Variants in CADPS observed in about 807,000 individuals in gnomAD.
CADPS encodes the protein calcium dependent secretion activator.
CADPS carries 57 observed loss-of-function variants against 167.3 expected under a neutral mutation model. The observed-to-expected ratio is 0.34, with a 90% confidence interval of 0.28 to 0.42. CADPS has a LOEUF of 0.42. Ranked by LOEUF, CADPS falls within the 20% of genes least tolerant of loss-of-function variation. The pLI, the probability that CADPS is intolerant of heterozygous loss-of-function variation, is 1.00. For synonymous variants in CADPS, 676 were observed against 635.3 expected, an observed-to-expected ratio of 1.06 and a Z score of -0.96; for missense variants, 1,414 against 1,738.1, an observed-to-expected ratio of 0.81 and a Z score of 3.32.
At chr3:62,434,045 TC>T (rs2054497945) in intron 28 of CADPS, among the ~76,000 whole-genome samples, 1 of 152,224 alleles carries the variant, frequency 6.6e-6, no homozygotes, top group East Asian at 1.9e-4. Context: ...TCTTTGAATG[TC>T]AGCAATAATT....
At chr3:62,406,947 T>C (rs923479754) in intron 28 of CADPS, among the ~76,000 whole-genome samples, 1 of 152,210 alleles carries the variant, frequency 6.6e-6, no homozygotes, top group African/African-American at 2.4e-5. Context: ...CCTGGGTTTG[T>C]GATCTTGGGC....
chr3:62,688,868 C>T (rs1404315025), intron 3 of CADPS, among the ~76,000 whole-genome samples: 1 of 151,918 alleles, frequency 6.6e-6, no homozygotes, highest in Non-Finnish European at 1.5e-5. Context: ...AAGACTGTAA[C>T]CCACTTTCCA....
chr3:62,478,522 A>G lies in CADPS; in HGVS notation c.3174-106T>C, dbSNP rs2061590810. 3.8e-6 allele frequency: 4 copies of G among 1,046,606 alleles called. No homozygotes were observed. Among genetic ancestry groups the G allele is most frequent in the Non-Finnish European group, 4.2e-6 (3 of 718,836 alleles). 64.8% of individuals were successfully genotyped at this position (1,046,606 alleles called of 1,614,324 possible). On this transcript the variant is annotated intron_variant, in intron 22 of 29. Coordinates refer to ENST00000383710, the MANE Select transcript of CADPS (RefSeq NM_003716.4). The surrounding 1 kb of genome is among the most constrained non-coding windows in gnomAD (Gnocchi z 5.7). ...CTAGAAGGCAAACAGCAGCTTCAAC[A>G]TACAAAACAACGTGTGTTGGCGGTG...
At chr3:62,414,951 T>C (rs1446257709) in intron 28 of CADPS, among the ~76,000 whole-genome samples, 1 of 151,564 alleles carries the variant, frequency 6.6e-6, no homozygotes, top group East Asian at 1.9e-4. Flanking sequence ...GCAATAGATA[T>C]CCCAGCTCCA....
chr3:62,584,253 C>T (rs764696449), intron 8 of CADPS, among the ~76,000 whole-genome samples: 4 of 152,178 alleles, frequency 2.6e-5, no homozygotes, highest in South Asian at 4.1e-4. Flanking sequence ...GTGATCCTCC[C>T]GTCTCGGCCT....
At chr3:62,693,952 C>A (rs1343972772) in intron 3 of CADPS, among the ~76,000 whole-genome samples, 1 of 152,080 alleles carries the variant, frequency 6.6e-6, no homozygotes, top group Non-Finnish European at 1.5e-5. Flanking sequence ...CACCAAAGGA[C>A]AACCACAGTC....
At chr3:62,732,737 T>C (rs1220206157) in intron 3 of CADPS, among the ~76,000 whole-genome samples, 1 of 152,220 alleles carries the variant, frequency 6.6e-6, no homozygotes, top group African/African-American at 2.4e-5. Flanking sequence ...ATGCTGCACC[T>C]GGTACTAAAT....
At position 62,418,980 on chromosome 3, in the gene CADPS, C is replaced by G. The variant is rs984760715; in HGVS notation, c.3778-15795G>C. The stretch of plus-strand genomic sequence containing the variant: ...CCAGACACCAGCTGCTCTAATACCC[C>G]TGGCTCAACAGCAGGACATATCACA... On this transcript the variant is annotated intron_variant, in intron 28 of 29. Transcript: ENST00000383710. Among the ~76,000 whole-genome samples the G allele has an allele frequency of 2.6e-5, 4 of 152,206 alleles. No individual in the cohort carries two copies. In the South Asian group the frequency reaches 8.3e-4, roughly 32 times the overall value.
Position 62,532,932 on chromosome 3 carries a change from T to C in CADPS, c.2230A>G (p.Ile744Val), listed in dbSNP as rs1188761103. Residue 744 changes from isoleucine to valine, a missense_variant, in exon 13 of 30, where the codon ATC (isoleucine) becomes GTC (valine). Physicochemically the swap from Ile to Val is conservative, Grantham distance 29. This residue lies in a region of CADPS where 529 missense variants were observed against 629.6 expected (regional missense o/e 0.84). Transcript: ENST00000383710. ...LLERAENGAMIDPTLLHYSFA... is the reference protein window; with the variant it reads ...LLERAENGAMVDPTLLHYSFA... ...CTGTAGTGAAGAAGGGTGGGGTCGA[T>C]CATGGCGCCATTTTCTGCCCGTTCA... The C allele has an allele frequency of 2.5e-6, 4 of 1,613,626 alleles. No homozygotes were observed. In the African/African-American group the frequency reaches 5.3e-5, roughly 22 times the overall value.
intron 3 of CADPS, among the ~76,000 whole-genome samples, chr3:62,702,973 C>G (rs1260963212): frequency 6.6e-6 from 1 of 152,046 alleles, no homozygotes; most frequent in Non-Finnish European, 1.5e-5. Flanking sequence ...AAGTCTCTTG[C>G]CCAGGATGAC....
intron 6 of CADPS, among the ~76,000 whole-genome samples, chr3:62,636,900 G>T (rs1394975414): frequency 6.6e-6 from 1 of 152,050 alleles, no homozygotes; most frequent in Non-Finnish European, 1.5e-5. Context: ...AAAGCATTTT[G>T]GCAATGGTAC....
At chr3:62,481,308 A>G (rs184070988) in intron 22 of CADPS, among the ~76,000 whole-genome samples, 1 of 152,314 alleles carries the variant, frequency 6.6e-6, no homozygotes, top group East Asian at 1.9e-4. Context: ...TTTTATTTAA[A>G]GAAAACACCC....
chr3:62,582,088 T>G lies in CADPS; in HGVS notation c.1577+3097A>C, dbSNP rs183049472. Among the ~76,000 whole-genome samples the G allele has an allele frequency of 3.2e-3, 490 of 152,348 alleles. 2 individuals are homozygous for G. Among genetic ancestry groups the G allele is most frequent in the African/African-American group, 0.011 (463 of 41,580 alleles). Reference sequence around the variant, plus strand: ...TCATAATTCCCAGTGATTCTTATGTTCCTTTTATGTTAGAAAAAACCTTAA... The same window carrying G: ...TCATAATTCCCAGTGATTCTTATGTGCCTTTTATGTTAGAAAAAACCTTAA... On this transcript the variant is annotated intron_variant, in intron 8 of 29. Transcript: ENST00000383710.
At chr3:62,515,813 T>C (rs1300044971) in intron 16 of CADPS, among the ~76,000 whole-genome samples, 1 of 152,150 alleles carries the variant, frequency 6.6e-6, no homozygotes, top group East Asian at 1.9e-4. Flanking sequence ...AGTTATCTGA[T>C]AACATCCTGT....
chr3:62,445,719 AAAAAAAAC>A lies in CADPS; in HGVS notation c.3669+38_3669+45del, dbSNP rs779741394. On this transcript the variant is annotated intron_variant, in intron 27 of 29. Transcript: ENST00000383710. ...AAAACAAAAAGTAAAAATGAAAAAA[AAAAAAAAC>A]AAAAAAACCCCATGAGAAACAATTT... The A allele has an allele frequency of 5.1e-6, 7 of 1,377,210 alleles. No homozygotes were observed. The Admixed American group carries it at 7.3e-5, about 14-fold the overall frequency. 85.3% of individuals were successfully genotyped at this position (1,377,210 alleles called of 1,614,324 possible). A position where few individuals can be genotyped will look rare whatever the true frequency, so the allele number is the denominator to read the frequency against.
At chr3:62,415,153 A>T (rs2049798584) in intron 28 of CADPS, among the ~76,000 whole-genome samples, 1 of 151,742 alleles carries the variant, frequency 6.6e-6, no homozygotes, top group African/African-American at 2.4e-5. Context: ...ATCCAACATA[A>T]AGTTGCCGAA....
At chr3:62,476,659 G>A (rs567144981) in intron 23 of CADPS, among the ~76,000 whole-genome samples, 90 of 152,238 alleles carry the variant, frequency 5.9e-4, no homozygotes, top group African/African-American at 2.1e-3. Flanking sequence ...CTATCCACCT[G>A]TGACATCCTC....
intron 1 of CADPS, among the ~76,000 whole-genome samples, chr3:62,775,646 C>T (rs1455359004): frequency 6.6e-6 from 1 of 152,178 alleles, no homozygotes; most frequent in Non-Finnish European, 1.5e-5. Flanking sequence ...GAAATACCTA[C>T]ATTTGTCTGT....
intron 1 of CADPS, among the ~76,000 whole-genome samples, chr3:62,869,557 T>C (rs1240875227): frequency 6.6e-6 from 1 of 152,194 alleles, no homozygotes; most frequent in African/African-American, 2.4e-5. Flanking sequence ...TTTTTTCTAC[T>C]ACTGTATCCA....
Sources: gnomAD v4.1 joint callset for allele counts (sites outside exome capture counted in the v4.1 genomes callset) on GRCh38, gnomAD v4.1.1 for gene constraint, gnomAD v4.1.1 regional missense constraint, Gnocchi (gnomAD v3.1) non-coding constraint, MANE v1.5 for transcripts, NCBI Gene and HGNC (gene_info 2026-07-23, HGNC 2026-07-21) for gene names.